Variants in CEP290 observed in about 807,000 individuals in gnomAD.
CEP290 encodes centrosomal protein 290, also known as centrosomal protein of 290 kDa.
In CEP290, 317 loss-of-function variants were observed where a neutral mutation model predicts 344.9. The ratio of observed to expected loss-of-function variants is 0.92; its 90% confidence interval spans 0.84 to 1.01. The LOEUF (loss-of-function observed/expected upper bound fraction) is 1.01. CEP290 is among the 50% of genes least tolerant of loss of function. CEP290 has a pLI of 0.00. For synonymous variants in CEP290, 932 were observed against 895.8 expected (o/e 1.04, Z -0.72); for missense variants, 2,754 against 2,761.4 (o/e 1.00, Z 0.06).
chr12:88,130,403 C>T lies in CEP290; in HGVS notation c.534G>A (p.Gln178=). The T allele has an allele frequency of 1.2e-6, 2 of 1,604,232 alleles. No individual in the cohort carries two copies. The highest frequency in any genetic ancestry group is 1.1e-5 in the South Asian group (1 of 88,290). The change falls in exon 9 of 54, where the codon CAG becomes CAA. Residue 178 remains glutamine, a synonymous_variant. Transcript: ENST00000552810. Reference sequence around the variant, plus strand: ...TTTGTTTCTGGTAGTCAATAATATCCTGACAAAGTTGTTCATTCTGAAGGT... The same window carrying T: ...TTTGTTTCTGGTAGTCAATAATATCTTGACAAAGTTGTTCATTCTGAAGGT... ...RLKKKNEQLC[Q]DIIDYQKQID...
At chr12:88,095,808 TGA>T (rs2037382834) in intron 27 of CEP290, among the ~76,000 whole-genome samples, 1 of 152,128 alleles carries the variant, frequency 6.6e-6, no homozygotes, top group Non-Finnish European at 1.5e-5. Context: ...GCACAATATA[TGA>T]GATAAAATTA....
Position 88,111,814 on chromosome 12 carries a change from C to A in CEP290, c.2097G>T (p.Leu699=). ...GCTGATCAACTTGGGCTTTCAAATG[C>A]AGACTCGCATCAAAGATTCCTTCTG... ...KNAEGIFDAS[L]HLKAQVDQLT... The change falls in exon 21 of 54, where the codon CTG becomes CTT. Residue 699 remains leucine, a synonymous_variant. Transcript: ENST00000552810. 4 of 1,604,268 alleles carry A rather than the reference C, an allele frequency of 2.5e-6. No individual in the cohort carries two copies. The highest frequency in any genetic ancestry group is 2.7e-5 in the African/African-American group (2 of 74,518).
At chr12:88,087,583 G>A (rs568794599) in intron 32 of CEP290, among the ~76,000 whole-genome samples, 197 bp downstream of exon 32, 22 of 151,770 alleles carry the variant, frequency 1.4e-4, no homozygotes, top group South Asian at 8.3e-4. Flanking sequence ...AGCCAGGCAC[G>A]GTGGCGGGTG....
At chr12:88,111,671 C>G in intron 21 of CEP290, 23 bp downstream of exon 21, 1 of 1,536,028 alleles carries the variant, frequency 6.5e-7, no homozygotes, top group Non-Finnish European at 8.7e-7. Flanking sequence ...TTAGCATTTT[C>G]TTTTATTTAA....
At chr12:88,084,242 G>A (rs1035900330) in intron 35 of CEP290, among the ~76,000 whole-genome samples, 23 of 151,990 alleles carry the variant, frequency 1.5e-4, no homozygotes, top group Non-Finnish European at 3.1e-4. Context: ...TTTCCCCCAC[G>A]AAGTTCTAAC....
At chr12:88,057,910 A>C (rs1565788605) in intron 49 of CEP290, 1 of 152,346 alleles carries the variant, frequency 6.6e-6, no homozygotes, top group East Asian at 1.9e-4. Context: ...CCTCAAAGAC[A>C]TCAAAGGGGA....
chr12:88,063,987 TCTTGG>T lies in CEP290; in HGVS notation c.6259_6263del (p.Pro2087IlefsTer13). Reference sequence around the variant, plus strand: ...TAAAAAACATTAAATTCACCTTTAATCTTGGCAAATCTTTATTTGCTTGTTCAAGC... The same window carrying T: ...TAAAAAACATTAAATTCACCTTTAATCAAATCTTTATTTGCTTGTTCAAGC... On this transcript the variant is annotated frameshift_variant, in exon 45 of 54. Transcript: ENST00000552810. LOFTEE classifies it high-confidence loss of function. 6.3e-7 allele frequency: 1 copy of T among 1,594,998 alleles called. No homozygotes were observed. The highest frequency in any genetic ancestry group is 8.5e-7 in the Non-Finnish European group (1 of 1,171,698).
intron 18 of CEP290, chr12:88,115,512 A>C: frequency 7.7e-7 from 1 of 1,297,006 alleles, no homozygotes; most frequent in Non-Finnish European, 1.0e-6. Context: ...TTCAAGCTCT[A>C]TATCTGCATT....
chr12:88,061,589 G>A (rs911171726), intron 46 of CEP290, among the ~76,000 whole-genome samples: 1 of 152,074 alleles, frequency 6.6e-6, no homozygotes, highest in Non-Finnish European at 1.5e-5. Context: ...TAGCCAAACA[G>A]TATGCTTAAT....
At chr12:88,081,084 A>G (rs893962113) in intron 37 of CEP290, among the ~76,000 whole-genome samples, 1 of 152,108 alleles carries the variant, frequency 6.6e-6, no homozygotes, top group African/African-American at 2.4e-5. Flanking sequence ...TTTTGACTGG[A>G]TAATTCTTTG....
intron 52 of CEP290, among the ~76,000 whole-genome samples, chr12:88,052,091 C>T (rs117339066): frequency 6.6e-6 from 1 of 152,230 alleles, no homozygotes; most frequent in East Asian, 1.9e-4. Flanking sequence ...ATATAGAATG[C>T]TTGTAAGGCA....
At chr12:88,091,154 T>A (rs547758961) in intron 29 of CEP290, among the ~76,000 whole-genome samples, 1 of 152,286 alleles carries the variant, frequency 6.6e-6, no homozygotes, top group African/African-American at 2.4e-5. Flanking sequence ...CTATATAGTA[T>A]TTTCCAAATG....
intron 22 of CEP290, among the ~76,000 whole-genome samples, chr12:88,109,705 G>A (rs145741241): frequency 2.3e-4 from 35 of 152,178 alleles, no homozygotes; most frequent in Admixed American, 2.0e-3. Context: ...GTCTTGCCAC[G>A]TTTATAGCTC....
chr12:88,070,107 A>C (rs1334346296), intron 43 of CEP290, among the ~76,000 whole-genome samples: 1 of 152,186 alleles, frequency 6.6e-6, no homozygotes, highest in African/African-American at 2.4e-5. Context: ...ACACACACAA[A>C]AATCTCAAAG....
At chr12:88,075,406 T>C (rs929519963) in intron 41 of CEP290, among the ~76,000 whole-genome samples, 3 of 152,020 alleles carry the variant, frequency 2.0e-5, no homozygotes, top group African/African-American at 7.3e-5. Context: ...ATAATATTAT[T>C]ATAACATTTA....
intron 41 of CEP290, among the ~76,000 whole-genome samples, chr12:88,076,377 C>T (rs759702857): frequency 1.1e-4 from 16 of 152,040 alleles, no homozygotes; most frequent in Non-Finnish European, 1.9e-4. Flanking sequence ...ATTTTCTTTT[C>T]CATTTTCATG....
chr12:88,082,969 T>G (rs984850016), intron 37 of CEP290, 62 bp downstream of exon 37: 2 of 998,646 alleles, frequency 2.0e-6, no homozygotes, highest in Admixed American at 2.8e-5. Flanking sequence ...CAAACACTTA[T>G]GTTTATCTTC....
intron 27 of CEP290, 120 bp downstream of exon 27, chr12:88,096,768 G>A: frequency 1.7e-6 from 1 of 575,542 alleles, no homozygotes; most frequent in South Asian, 2.6e-5. Context: ...TAGGCAGAAA[G>A]TTCTTTCTTT....
At chr12:88,114,350 G>T (rs1159438889) in intron 20 of CEP290, 70 bp downstream of exon 20, 2 of 1,213,742 alleles carry the variant, frequency 1.6e-6, no homozygotes, top group Non-Finnish European at 2.3e-6. Context: ...AAACTATGGA[G>T]ATCTGTACAC....
Sources: gnomAD v4.1 joint callset for allele counts (sites outside exome capture counted in the v4.1 genomes callset) on GRCh38, gnomAD v4.1.1 for gene constraint, MANE v1.5 for transcripts, NCBI Gene and HGNC (gene_info 2026-07-23, HGNC 2026-07-21) for gene names.